The following BFAR variants were observed in gnomAD, a reference collection of about 807,000 sequenced individuals.
The protein encoded by BFAR is bifunctional apoptosis regulator.
BFAR carries 52 observed loss-of-function variants against 54.4 expected under a neutral mutation model. The observed-to-expected ratio is 0.96, with a 90% CI of 0.77 to 1.21. BFAR has a LOEUF of 1.21. Among genes scored for constraint, BFAR ranks in the 50% most tolerant of loss-of-function variants. The pLI is 0.00. For missense variants in BFAR, 571 were observed against 534.0 expected, an observed-to-expected ratio of 1.07 and a Z score of -0.68; for synonymous variants, 215 against 204.3, an observed-to-expected ratio of 1.05 and a Z score of -0.45.
At chr16:14,666,180 C>A (rs1382228834) in intron 7 of BFAR, among the ~76,000 whole-genome samples, 2 of 152,176 alleles carry the variant, frequency 1.3e-5, no homozygotes, top group Non-Finnish European at 2.9e-5. Flanking sequence ...TTCTGATGGA[C>A]CCAGGCTTGA....
intron 6 of BFAR, among the ~76,000 whole-genome samples, chr16:14,664,591 C>T (rs1360818859): frequency 6.6e-6 from 1 of 151,980 alleles, no homozygotes; most frequent in Non-Finnish European, 1.5e-5. Flanking sequence ...CCTGCACATC[C>T]CGGGTTCAAG....
At chr16:14,652,155 G>C (rs1959987816) in intron 4 of BFAR, among the ~76,000 whole-genome samples, 1 of 151,934 alleles carries the variant, frequency 6.6e-6, no homozygotes, top group Non-Finnish European at 1.5e-5. Flanking sequence ...CAAAGTGCTG[G>C]AATTATAGGC....
intron 1 of BFAR, chr16:14,643,989 G>A (rs554698970): frequency 2.9e-4 from 63 of 214,160 alleles, no homozygotes; most frequent in African/African-American, 1.3e-3. Context: ...GTGAAACCCC[G>A]TCTCTGCTAA....
At chr16:14,651,828 A>C (rs1287989708) in intron 4 of BFAR, among the ~76,000 whole-genome samples, 1 of 150,370 alleles carries the variant, frequency 6.7e-6, no homozygotes. Context: ...AAAAGATTAG[A>C]GTGAAAGGAG....
Position 14,649,710 on chromosome 16 carries a change from C to T in BFAR, c.469-94C>T, listed in dbSNP as rs1959910443. ...CGGGCTCCGCATCATTCCCTGTGAG[C>T]TCAGCCTCTTCCTTTCCCCACCTCC... On this transcript the variant is annotated intron_variant, in intron 3 of 7. Coordinates refer to ENST00000261658, the MANE Select transcript of BFAR (RefSeq NM_016561.3). 3 of 1,181,392 alleles carry T rather than the reference C, an allele frequency of 2.5e-6. No homozygotes were observed. The African/African-American group carries it at 4.6e-5, about 18-fold the overall frequency. 73.2% of individuals were successfully genotyped at this position (1,181,392 alleles called of 1,614,324 possible). A position where few individuals can be genotyped will look rare whatever the true frequency, so the allele number is the denominator to read the frequency against.
intron 1 of BFAR, among the ~76,000 whole-genome samples, chr16:14,643,086 G>A (rs1475661200): frequency 6.6e-6 from 1 of 152,208 alleles, no homozygotes; most frequent in Non-Finnish European, 1.5e-5. Flanking sequence ...GCTGAAGAGG[G>A]TGGATCACCT....
chr16:14,635,724 G>A (rs1475798529), intron 1 of BFAR, among the ~76,000 whole-genome samples: 2 of 150,804 alleles, frequency 1.3e-5, no homozygotes, highest in Non-Finnish European at 2.9e-5. Context: ...AAAACTCAAT[G>A]TTTTATACAG....
At chr16:14,663,154 T>C (rs1960339879) in intron 6 of BFAR, among the ~76,000 whole-genome samples, 1 of 152,236 alleles carries the variant, frequency 6.6e-6, no homozygotes, top group African/African-American at 2.4e-5. Flanking sequence ...TTCTGCCTTT[T>C]AGTTTTTACT....
chr16:14,635,823 G>A (rs1393024593), intron 1 of BFAR, among the ~76,000 whole-genome samples: 2 of 151,830 alleles, frequency 1.3e-5, no homozygotes, highest in Non-Finnish European at 2.9e-5. Context: ...GTAGATACGG[G>A]GTTTCACCAT....
intron 4 of BFAR, among the ~76,000 whole-genome samples, chr16:14,654,787 A>G (rs1180301460): frequency 6.6e-6 from 1 of 152,062 alleles, no homozygotes; most frequent in African/African-American, 2.4e-5. Flanking sequence ...GAGCCACTGC[A>G]CCCAGCCAAA....
At chr16:14,657,190 G>A (rs775554972) in intron 5 of BFAR, among the ~76,000 whole-genome samples, 7 of 152,156 alleles carry the variant, frequency 4.6e-5, no homozygotes, top group Non-Finnish European at 8.8e-5. Context: ...GAATGTGCGT[G>A]GAGCTCCTGA....
intron 1 of BFAR, among the ~76,000 whole-genome samples, chr16:14,635,263 A>G (rs1959396280): frequency 1.3e-5 from 2 of 152,208 alleles, no homozygotes; most frequent in Admixed American, 1.3e-4. Context: ...GGAACCCAGG[A>G]GGCAGATGTT....
chr16:14,636,373 G>A (rs1371320828), intron 1 of BFAR, among the ~76,000 whole-genome samples: 1 of 152,234 alleles, frequency 6.6e-6, no homozygotes, highest in Admixed American at 6.5e-5. Context: ...GATAATAGTG[G>A]AGAGAAGGTC....
chr16:14,653,541 G>T (rs540911962), intron 4 of BFAR, among the ~76,000 whole-genome samples: 10 of 152,162 alleles, frequency 6.6e-5, no homozygotes, highest in African/African-American at 2.4e-4. Context: ...GGCCAGGCTG[G>T]TCTCAAACTC....
chr16:14,667,060 G>A lies in BFAR; in HGVS notation c.1161-575G>A, dbSNP rs182523338. The stretch of plus-strand genomic sequence containing the variant: ...TCTCTAAAAATACAAAAAATTAACT[G>A]GGCGTGGTGGTGCACACCTGTAGTC... On this transcript the variant is annotated intron_variant, in intron 7 of 7. Transcript: ENST00000261658. 9.2e-5 allele frequency among the ~76,000 whole-genome samples: 14 copies of A among 152,038 alleles called. No homozygotes were observed. In the East Asian group the frequency reaches 2.3e-3, roughly 25 times the overall value.
In BFAR at chr16:14,633,036, TG is replaced by T. The variant is rs997353773; in HGVS notation, c.-74+24del. 5.2e-5 allele frequency: 8 copies of T among 152,640 alleles called. No individual in the cohort carries two copies. Among genetic ancestry groups the T allele is most frequent in the African/African-American group, 1.2e-4 (5 of 41,366 alleles). 9.5% of individuals were successfully genotyped at this position (152,640 alleles called of 1,614,324 possible). On this transcript the variant is annotated intron_variant, in intron 1 of 7. Transcript: ENST00000261658. ...GTGGAATGGTAAGCCGCGACACGGC[TG>T]GGGGGTGCTGAGGGGGCGACTCGGG...
intron 1 of BFAR, among the ~76,000 whole-genome samples, chr16:14,643,260 A>G (rs1355990057): frequency 2.0e-5 from 3 of 152,186 alleles, no homozygotes; most frequent in Admixed American, 6.5e-5. Context: ...ACGTGAGCCA[A>G]GATCACACCA....
At chr16:14,646,826 T>C (rs1413873862) in intron 2 of BFAR, among the ~76,000 whole-genome samples, 1 of 152,150 alleles carries the variant, frequency 6.6e-6, no homozygotes. Context: ...AAATTACTGA[T>C]AAAACTAAAG....
chr16:14,655,411 T>G (rs563086874), intron 5 of BFAR, among the ~76,000 whole-genome samples: 1 of 151,544 alleles, frequency 6.6e-6, no homozygotes, highest in Non-Finnish European at 1.5e-5. Flanking sequence ...AACCTCTGCC[T>G]CCCAGGTTCA....
Sources: gnomAD v4.1 joint callset for allele counts (sites outside exome capture counted in the v4.1 genomes callset) on GRCh38, gnomAD v4.1.1 for gene constraint, MANE v1.5 for transcripts, NCBI Gene and HGNC (gene_info 2026-07-23, HGNC 2026-07-21) for gene names.